Variants in TATDN2 observed in about 807,000 individuals in gnomAD.
TATDN2 encodes 3'-5' RNA nuclease TATDN2.
A neutral mutation model predicts 60.3 loss-of-function variants in TATDN2; 44 were observed. The ratio of observed to expected loss-of-function variants is 0.73; its 90% CI spans 0.57 to 0.94. The LOEUF (loss-of-function observed/expected upper bound fraction) is 0.94. TATDN2 is among the 40% of genes least tolerant of loss of function. TATDN2 has a pLI of 0.00. For missense variants in TATDN2, 997 were observed against 948.0 expected, an observed-to-expected ratio of 1.05 and a Z score of -0.68; for synonymous variants, 399 against 355.8, an observed-to-expected ratio of 1.12 and a Z score of -1.37.
At chr3:10,277,044 C>T (rs139019570) in intron 5 of TATDN2, among the ~76,000 whole-genome samples, 1 of 151,994 alleles carries the variant, frequency 6.6e-6, no homozygotes, top group African/African-American at 2.4e-5. Flanking sequence ...CCTTTTGTGC[C>T]CCCATCCTGG....
intron 3 of TATDN2, among the ~76,000 whole-genome samples, chr3:10,265,820 G>A (rs1698468943): frequency 6.6e-6 from 1 of 151,972 alleles, no homozygotes; most frequent in Non-Finnish European, 1.5e-5. Flanking sequence ...CCTTTGCTGG[G>A]TGGGGAAAGG....
At chr3:10,276,254 TAAAAA>T (rs942550902) in intron 4 of TATDN2, 102 bp from the exon 5 acceptor site, 7 of 1,394,468 alleles carry the variant, frequency 5.0e-6, no homozygotes, top group South Asian at 1.4e-5. Flanking sequence ...ATTATATAGT[TAAAAA>T]AAGAGAGACA....
At chr3:10,256,008 C>T (rs1178097201) in intron 2 of TATDN2, among the ~76,000 whole-genome samples, 1 of 152,170 alleles carries the variant, frequency 6.6e-6, no homozygotes, top group African/African-American at 2.4e-5. Context: ...GACATCACCT[C>T]CCCATTTTAT....
intron 2 of TATDN2, among the ~76,000 whole-genome samples, chr3:10,252,206 C>T (rs185284285): frequency 3.1e-3 from 463 of 149,534 alleles, no homozygotes; most frequent in African/African-American, 0.011. Context: ...CACTGTGTTG[C>T]CCAGGCTGGT....
chr3:10,268,031 T>C (rs1698503198), intron 3 of TATDN2, among the ~76,000 whole-genome samples: 1 of 152,248 alleles, frequency 6.6e-6, no homozygotes, highest in African/African-American at 2.4e-5. Context: ...GATAAGTTTT[T>C]AAAGGTTTTA....
At chr3:10,275,824 A>G (rs1366802286) in intron 4 of TATDN2, among the ~76,000 whole-genome samples, 2 of 152,220 alleles carry the variant, frequency 1.3e-5, no homozygotes. Context: ...TCTTTAACAA[A>G]TATTTGAGTA....
At chr3:10,259,508 G>A (rs1484764843) in intron 2 of TATDN2, among the ~76,000 whole-genome samples, 2 of 152,214 alleles carry the variant, frequency 1.3e-5, no homozygotes, top group Admixed American at 6.5e-5. Flanking sequence ...GGGTGCAAGA[G>A]GGGGCTGAGG....
At chr3:10,264,384 TC>T (rs779454873) in intron 3 of TATDN2, among the ~76,000 whole-genome samples, 8 of 152,248 alleles carry the variant, frequency 5.3e-5, no homozygotes, top group Admixed American at 1.3e-4. Context: ...CTCTTGTTCT[TC>T]CTGTTCTGGT....
Position 10,270,782 on chromosome 3 carries a change from A to G in TATDN2, c.1600A>G (p.Ile534Val). Residue 534 changes from isoleucine (I) to valine (V), a missense_variant, in exon 4 of 8, where the codon ATC (isoleucine) becomes GTC (valine). Transcript: ENST00000448281. ...SSFPKEFQGC[I>V]SDFCDPRTLT... ...CTTCCCTAAGGAATTTCAGGGCTGC[A>G]TCTCTGACTTCTGTGATCCCCGCAC... The G allele has an allele frequency of 3.1e-6, 5 of 1,614,226 alleles. No homozygotes were observed. The highest frequency in any genetic ancestry group is 2.2e-5 in the South Asian group (2 of 91,080).
chr3:10,258,964 G>C (rs1236413817), intron 2 of TATDN2, among the ~76,000 whole-genome samples: 1 of 152,128 alleles, frequency 6.6e-6, no homozygotes, highest in African/African-American at 2.4e-5. Context: ...CTGCCTCCCA[G>C]GTTCAAGCGA....
chr3:10,260,820 CA>C (rs1293284330), intron 3 of TATDN2, 150 bp downstream of exon 3: 34 of 906,442 alleles, frequency 3.8e-5, no homozygotes, highest in Non-Finnish European at 5.5e-5. Flanking sequence ...TTTCTTCTAA[CA>C]TACTTTTCAG....
At chr3:10,277,026 A>G (rs1698649313) in intron 5 of TATDN2, among the ~76,000 whole-genome samples, 2 of 151,758 alleles carry the variant, frequency 1.3e-5, no homozygotes, top group South Asian at 4.2e-4. Flanking sequence ...ACCAGTGAGC[A>G]CAAGGGGCCT....
intron 2 of TATDN2, among the ~76,000 whole-genome samples, chr3:10,257,870 TTTTTTTGG>T (rs1698337388): frequency 2.3e-5 from 2 of 85,976 alleles, no homozygotes; most frequent in African/African-American, 1.6e-4. Context: ...TTTTTTTTTT[TTTTTTTGG>T]GAGATGGAGT....
Position 10,249,312 on chromosome 3 carries a change from C to G in TATDN2, c.112C>G (p.Pro38Ala). The G allele has an allele frequency of 1.9e-6, 3 of 1,608,308 alleles. No individual in the cohort carries two copies. Among genetic ancestry groups the G allele is most frequent in the Non-Finnish European group, 2.6e-6 (3 of 1,176,126 alleles). Reference protein sequence around the residue: ...EPCDVAPSSRPAQRSASRSGG... With the variant: ...EPCDVAPSSRAAQRSASRSGG... ...CTGTGATGTGGCCCCCTCCAGCCGGCCAGCTCAGAGGTCTGCGTCGCGTTC... is the reference window on the plus strand; with the variant it reads ...CTGTGATGTGGCCCCCTCCAGCCGGGCAGCTCAGAGGTCTGCGTCGCGTTC... Residue 38 changes from proline to alanine, a missense_variant, in exon 2 of 8, where the codon CCA becomes GCA. By Grantham distance (27) the Pro-to-Ala change is conservative. Coordinates refer to ENST00000448281, the MANE Select transcript of TATDN2 (RefSeq NM_014760.4).
At chr3:10,277,467 A>G (rs377129965) in intron 5 of TATDN2, among the ~76,000 whole-genome samples, 3 of 152,300 alleles carry the variant, frequency 2.0e-5, no homozygotes, top group South Asian at 4.1e-4. Context: ...CAGAAGACTC[A>G]GGAGGTGATG....
rs922911925 is a variant in TATDN2 at position 10,281,021 on chromosome 3, T to C, written c.*1839T>C. 3.3e-5 allele frequency: 5 copies of C among 152,240 alleles called. No homozygotes were observed. Among genetic ancestry groups the C allele is most frequent in the African/African-American group, 1.2e-4 (5 of 41,452 alleles). 9.4% of individuals were successfully genotyped at this position (152,240 alleles called of 1,614,324 possible). ...GCACAAGGTGCTATCTACTTTTCTC[T>C]CTAGGATTTAGATTATCATTTATGT... On this transcript the variant is annotated 3_prime_UTR_variant, in exon 8 of 8. Coordinates refer to ENST00000448281, the MANE Select transcript of TATDN2 (RefSeq NM_014760.4).
At chr3:10,269,991 AG>A in intron 3 of TATDN2, 139 bp from the exon 4 acceptor site, 3 of 1,071,848 alleles carry the variant, frequency 2.8e-6, no homozygotes, top group Non-Finnish European at 4.0e-6. Context: ...ACCAGGTGAC[AG>A]GGTGAGCTAA....
chr3:10,249,900 T>C (rs371506195), intron 2 of TATDN2, among the ~76,000 whole-genome samples: 15 of 152,220 alleles, frequency 9.9e-5, no homozygotes, highest in Admixed American at 1.3e-4. Context: ...AACTGATTTA[T>C]TGGGCTGAGG....
In TATDN2 at chr3:10,270,865, T is replaced by C; in HGVS notation, c.1683T>C (p.Phe561=). ...LLKEDLVWGA[F]GCHPHFARYY... Reference sequence around the variant, plus strand: ...AAGAGGATCTGGTCTGGGGGGCCTTTGGCTGTCACCCTCATTTTGCACGTT... The same window carrying C: ...AAGAGGATCTGGTCTGGGGGGCCTTCGGCTGTCACCCTCATTTTGCACGTT... The change falls in exon 4 of 8, where the codon TTT becomes TTC. Residue 561 remains phenylalanine (F), a synonymous_variant. Coordinates refer to ENST00000448281, the MANE Select transcript of TATDN2 (RefSeq NM_014760.4). 1 of 1,614,188 alleles carries C rather than the reference T, an allele frequency of 6.2e-7. No individual in the cohort carries two copies. Among genetic ancestry groups the C allele is most frequent in the Middle Eastern group, 1.6e-4 (1 of 6,062 alleles).
Sources: gnomAD v4.1 joint callset for allele counts (sites outside exome capture counted in the v4.1 genomes callset) on GRCh38, gnomAD v4.1.1 for gene constraint, MANE v1.5 for transcripts, NCBI Gene and HGNC (gene_info 2026-07-23, HGNC 2026-07-21) for gene names.